The following COQ8A variants were observed in gnomAD, a reference collection of about 807,000 sequenced individuals.
COQ8A encodes the protein atypical kinase COQ8A, mitochondrial.
In COQ8A, 51 loss-of-function variants were observed where a neutral mutation model predicts 65.0. That is an observed-to-expected ratio of 0.78 (90% CI 0.63 to 0.99). The LOEUF (loss-of-function observed/expected upper bound fraction) is 0.99, where lower values mean the gene tolerates loss of function less well. COQ8A is among the 50% of genes least tolerant of loss of function. The pLI is 0.00. For synonymous variants in COQ8A, 371 were observed against 353.2 expected (o/e 1.05, Z -0.57); for missense variants, 940 against 875.0 (o/e 1.07, Z -0.94).
intron 4 of COQ8A, among the ~76,000 whole-genome samples, chr1:226,969,907 C>A (rs7553837): frequency 0.17 from 26,310 of 152,072 alleles, 2,610 homozygotes; most frequent in Non-Finnish European, 0.22. Context: ...TGTTATGTCC[C>A]CCTTTTTCTC....
chr1:226,965,014 T>C lies in COQ8A; in HGVS notation c.192T>C (p.His64=), dbSNP rs1572045723. ...GCTCCCTGCAGGGTCAGGATAAACA[T>C]GAAGAATATTTTGCTGAGAACTTCG... is the stretch of plus-strand genomic sequence containing the variant. The part of the protein sequence containing the change: ...FLGKVQGQDK[H]EEYFAENFGG... Residue 64 remains histidine, a synonymous_variant, in exon 3 of 15, where the codon CAT becomes CAC. Transcript: ENST00000366777. The C allele has an allele frequency of 6.2e-7, 1 of 1,613,990 alleles. No homozygotes were observed. The highest frequency in any genetic ancestry group is 1.1e-5 in the South Asian group (1 of 91,080).
At position 226,982,051 on chromosome 1, in the gene COQ8A, G is replaced by T. The variant is rs1659729413; in HGVS notation, c.755G>T (p.Ser252Ile). 1 of 1,612,928 alleles carries T rather than the reference G, an allele frequency of 6.2e-7. No homozygotes were observed. Among genetic ancestry groups the T allele is most frequent in the Admixed American group, 1.7e-5 (1 of 60,026 alleles). Residue 252 changes from serine to isoleucine, a missense_variant, in exon 6 of 15, where the codon AGT becomes ATT. Physicochemically the swap from Ser to Ile is moderately radical, Grantham distance 142. Coordinates refer to ENST00000366777, the MANE Select transcript of COQ8A (RefSeq NM_020247.5). The part of the protein sequence containing the change: ...PSGKKAVLGS[S>I]PFLSEANAER... ...GGGAAGAAGGCCGTGCTGGGTTCCA[G>T]TCCTTTCCTGTCCGAGGCCAATGCA...
At chr1:226,944,736 AG>A (rs1558176607) in intron 1 of COQ8A, among the ~76,000 whole-genome samples, 1 of 35,948 alleles carries the variant, frequency 2.8e-5, no homozygotes, top group Non-Finnish European at 4.6e-5. Context: ...AGAGAGAGAG[AG>A]AGAGAGAGAG....
Position 226,986,786 on chromosome 1 carries a change from A to T in COQ8A, c.*49A>T. On this transcript the variant is annotated 3_prime_UTR_variant, in exon 15 of 15. Transcript: ENST00000366777. ...GCTCCGCGGGAACTCTCTCCCTCAG[A>T]CAGGCCAAAAACCAGTAGCGAGGTC... The T allele has an allele frequency of 6.3e-7, 1 of 1,592,492 alleles. No individual in the cohort carries two copies. Among genetic ancestry groups the T allele is most frequent in the Non-Finnish European group, 8.5e-7 (1 of 1,173,436 alleles).
chr1:226,961,240 A>T (rs1658236514), intron 1 of COQ8A, 137 bp from the exon 2 acceptor site: 8 of 913,128 alleles, frequency 8.8e-6, no homozygotes, highest in South Asian at 1.4e-5. Flanking sequence ...GCCCTTTCTT[A>T]TCTCTTAGCA....
At chr1:226,968,955 G>C (rs1658726521) in intron 4 of COQ8A, among the ~76,000 whole-genome samples, 1 of 152,182 alleles carries the variant, frequency 6.6e-6, no homozygotes. Context: ...CATCATAATA[G>C]CTGTCCTTTG....
chr1:226,953,304 AG>A (rs1479480311), intron 1 of COQ8A, among the ~76,000 whole-genome samples: 1 of 152,266 alleles, frequency 6.6e-6, no homozygotes, highest in Non-Finnish European at 1.5e-5. Context: ...CTGGGATTAC[AG>A]GCATGAGCCA....
chr1:226,952,602 G>A (rs1385535713), intron 1 of COQ8A, among the ~76,000 whole-genome samples: 1 of 151,960 alleles, frequency 6.6e-6, no homozygotes, highest in Non-Finnish European at 1.5e-5. Context: ...GTAGAGATGG[G>A]GATGTCCCTG....
Position 226,983,866 on chromosome 1 carries a change from G to T in COQ8A, c.1256+12G>T. 6.3e-7 allele frequency: 1 copy of T among 1,597,460 alleles called. No individual in the cohort carries two copies. Among genetic ancestry groups the T allele is most frequent in the Non-Finnish European group, 8.5e-7 (1 of 1,173,826 alleles). On this transcript the variant is annotated intron_variant, in intron 10 of 14. Transcript: ENST00000366777. ...GCCCGCAAGTTCAGGTGTGGCCCCC[G>T]GCCGGGCCCCTTGCGTGTTTGCACC...
At chr1:226,975,913 T>C (rs1238323247) in intron 4 of COQ8A, among the ~76,000 whole-genome samples, 1 of 152,244 alleles carries the variant, frequency 6.6e-6, no homozygotes, top group Non-Finnish European at 1.5e-5. Flanking sequence ...ACAAGTTCTG[T>C]ATTTTTCATA....
At chr1:226,960,616 A>ATGG (rs777819893) in intron 1 of COQ8A, among the ~76,000 whole-genome samples, 600 of 40,922 alleles carry the variant, frequency 0.015, 7 homozygotes, top group African/African-American at 0.055. Flanking sequence ...GGCGGTGGTG[A>ATGG]TGGTGGTGGT....
Position 226,946,973 on chromosome 1 carries a change from C to G in COQ8A, c.-10+6574C>G, listed in dbSNP as rs1236021400. Reference sequence around the variant, plus strand: ...CTGGCTCTGGAACCAAGCTTTGCCTCTAGTGGGTAGGATCACTGGTGCTGA... The same window carrying G: ...CTGGCTCTGGAACCAAGCTTTGCCTGTAGTGGGTAGGATCACTGGTGCTGA... On this transcript the variant is annotated intron_variant, in intron 1 of 14. Transcript: ENST00000366777. This position sits in a 1 kb window ranked among gnomAD's most constrained non-coding sequence, Gnocchi z 5.3. 2.6e-5 allele frequency among the ~76,000 whole-genome samples: 4 copies of G among 152,210 alleles called. No individual in the cohort carries two copies. The East Asian group carries it at 7.7e-4, about 29-fold the overall frequency.
rs774550665 is a variant in COQ8A, at chr1:226,964,539, C to CAT, written c.178-460_178-459dup. On this transcript the variant is annotated intron_variant, in intron 2 of 14. Coordinates refer to ENST00000366777, the MANE Select transcript of COQ8A (RefSeq NM_020247.5). ...CATACCCCGGCTGGTGGGTGGCATC[C>CAT]ATGTCTGCAGTAAGCTGTGGGCTTA... 1.4e-4 allele frequency among the ~76,000 whole-genome samples: 21 copies of CAT among 152,184 alleles called. 1 individual carries two copies. The highest frequency in any genetic ancestry group is 2.6e-4 in the Non-Finnish European group (18 of 68,022).
In COQ8A at chr1:226,965,002, T is replaced by A. The variant is rs1658471458; in HGVS notation, c.180T>A (p.Gly60=). 1 of 1,613,630 alleles carries A rather than the reference T, an allele frequency of 6.2e-7. No individual in the cohort carries two copies. Among genetic ancestry groups the A allele is most frequent in the Admixed American group, 1.7e-5 (1 of 59,992 alleles). Residue 60 remains glycine, a splice_region_variant and synonymous_variant, in exon 3 of 15, where the codon GGT becomes GGA. Coordinates refer to ENST00000366777, the MANE Select transcript of COQ8A (RefSeq NM_020247.5). ...ATGCTGGCCTTTGCTCCCTGCAGGG[T>A]CAGGATAAACATGAAGAATATTTTG... ...QIGMFLGKVQ[G]QDKHEEYFAE...
intron 1 of COQ8A, among the ~76,000 whole-genome samples, chr1:226,960,305 TGGTGGC>T (rs1417590859): frequency 6.9e-6 from 1 of 144,002 alleles, no homozygotes; most frequent in Non-Finnish European, 1.5e-5. Context: ...TACTTGGTGG[TGGTGGC>T]GGTACTTGGT....
intron 4 of COQ8A, among the ~76,000 whole-genome samples, chr1:226,966,849 T>C (rs1658597509): frequency 6.6e-6 from 1 of 152,172 alleles, no homozygotes; most frequent in East Asian, 1.9e-4. Flanking sequence ...CCTGGTATTC[T>C]GGGAGCTGCG....
chr1:226,977,421 C>T lies in COQ8A; in HGVS notation c.656-28C>T, dbSNP rs559439483. On this transcript the variant is annotated intron_variant, in intron 4 of 14. Coordinates refer to ENST00000366777, the MANE Select transcript of COQ8A (RefSeq NM_020247.5). ...GGGTGGCCCCAGCCCTGCGTGAGCA[C>T]TGAGTGCCCGCCCCCTCCTCCTTGC... The T allele has an allele frequency of 3.2e-6, 5 of 1,549,320 alleles. No homozygotes were observed. The African/African-American group carries it at 6.8e-5, about 21-fold the overall frequency.
intron 1 of COQ8A, among the ~76,000 whole-genome samples, chr1:226,954,963 C>T (rs1159917898): frequency 1.3e-5 from 2 of 152,028 alleles, no homozygotes; most frequent in Non-Finnish European, 2.9e-5. Flanking sequence ...GTGCTGAGAT[C>T]CGGGAGGAGG....
At position 226,946,743 on chromosome 1, in the gene COQ8A, A is replaced by G. The variant is rs1657067911; in HGVS notation, c.-10+6344A>G. Among the ~76,000 whole-genome samples the G allele has an allele frequency of 6.6e-6, 1 of 152,202 alleles. No homozygotes were observed. The highest frequency in any genetic ancestry group is 6.5e-5 in the Admixed American group (1 of 15,278). On this transcript the variant is annotated intron_variant, in intron 1 of 14. Transcript: ENST00000366777. This position sits in a 1 kb window ranked among gnomAD's most constrained non-coding sequence, Gnocchi z 5.3. The stretch of plus-strand genomic sequence containing the variant: ...ACCTCAGGGCAGAACATGTTTATTT[A>G]ACTTCCATACCAGTGATGTGTGCAT...
Sources: gnomAD v4.1 joint callset for allele counts (sites outside exome capture counted in the v4.1 genomes callset) on GRCh38, gnomAD v4.1.1 for gene constraint, Gnocchi (gnomAD v3.1) non-coding constraint, MANE v1.5 for transcripts, NCBI Gene and HGNC (gene_info 2026-07-23, HGNC 2026-07-21) for gene names.